Variants in ATAD2B observed in about 807,000 individuals in gnomAD.
The protein encoded by ATAD2B is ATPase family AAA domain containing 2B.
ATAD2B carries 40 observed loss-of-function variants against 167.6 expected under a neutral mutation model. That is an observed-to-expected ratio of 0.24 (90% confidence interval 0.19 to 0.31). The LOEUF is 0.31. Ranked by LOEUF, ATAD2B falls within the 10% of genes least tolerant of loss-of-function variation. ATAD2B has a pLI of 1.00. For missense variants in ATAD2B, 1,242 were observed against 1,757.2 expected (o/e 0.71, Z 5.24); for synonymous variants, 579 against 596.5 (o/e 0.97, Z 0.43).
intron 13 of ATAD2B, among the ~76,000 whole-genome samples, chr2:23,850,254 A>G (rs1692360106): frequency 6.6e-6 from 1 of 152,168 alleles, no homozygotes. Context: ...GCTATTTGTA[A>G]ATTAAATACA....
chr2:23,796,908 T>C (rs1224410052), intron 19 of ATAD2B, among the ~76,000 whole-genome samples: 2 of 152,156 alleles, frequency 1.3e-5, no homozygotes, highest in African/African-American at 4.8e-5. Context: ...AGTAAGTCAA[T>C]ACCCTGGTTT....
In ATAD2B at chr2:23,875,875, T is replaced by C; in HGVS notation, c.931A>G (p.Thr311Ala). Residue 311 changes from threonine (T) to alanine (A), a missense_variant, in exon 8 of 28, where the codon ACG becomes GCG. By Grantham distance (58) the Thr-to-Ala change is moderately conservative. Transcript: ENST00000238789. ...VPAHQKKREN[T>A]LFDIHRSPAR... Reference sequence around the variant, plus strand: ...GGAGATCTATGAATATCAAACAGCGTGTTTTCCCTCTTTTTTTGATGAGCT... The same window carrying C: ...GGAGATCTATGAATATCAAACAGCGCGTTTTCCCTCTTTTTTTGATGAGCT... The C allele has an allele frequency of 1.2e-6, 2 of 1,610,352 alleles. No homozygotes were observed. Among genetic ancestry groups the C allele is most frequent in the Non-Finnish European group, 1.7e-6 (2 of 1,177,994 alleles).
the ATAD2B span, among the ~76,000 whole-genome samples, chr2:23,685,985 G>A: frequency 1.3e-5 from 2 of 152,236 alleles, no homozygotes; most frequent in Non-Finnish European, 2.9e-5. Context: ...GAGGAGCACA[G>A]GGCCCTCGGA....
intron 14 of ATAD2B, 41 bp from the exon 15 acceptor site, chr2:23,828,980 A>G: frequency 7.8e-7 from 1 of 1,285,174 alleles, no homozygotes; most frequent in Non-Finnish European, 1.1e-6. Flanking sequence ...TTGCCCAAGA[A>G]GAAAAGTACA....
chr2:23,910,858 A>C (rs1702191417), intron 1 of ATAD2B, among the ~76,000 whole-genome samples: 1 of 150,946 alleles, frequency 6.6e-6, no homozygotes, highest in Non-Finnish European at 1.5e-5. Context: ...ACAGAGCAAG[A>C]CTCTGTCTCA....
intron 22 of ATAD2B, 55 bp from the exon 23 acceptor site, chr2:23,765,683 A>G: frequency 8.9e-7 from 1 of 1,123,728 alleles, no homozygotes; most frequent in South Asian, 2.5e-5. Flanking sequence ...TAACATTAAC[A>G]AAGGACATCT....
At chr2:23,864,730 A>G in intron 11 of ATAD2B, 79 bp downstream of exon 11, 1 of 619,166 alleles carries the variant, frequency 1.6e-6, no homozygotes, top group South Asian at 3.0e-5. Flanking sequence ...TCAAATATTT[A>G]TATTTATAGC....
At chr2:23,701,695 C>T in the ATAD2B span, among the ~76,000 whole-genome samples, 2 of 151,828 alleles carry the variant, frequency 1.3e-5, no homozygotes, top group Admixed American at 1.3e-4. Flanking sequence ...CTAGCCTAGG[C>T]AACAGAGCAA....
chr2:23,880,770 AC>A lies in ATAD2B; in HGVS notation c.785-16del. The stretch of plus-strand genomic sequence containing the variant: ...CTCTTGAGATTCTAGTTTCCCACAC[AC>A]AAAAAGAAAAGAAAAAGGCATTATT... On this transcript the variant is annotated splice_polypyrimidine_tract_variant and intron_variant, in intron 6 of 27. Transcript: ENST00000238789. 6.8e-7 allele frequency: 1 copy of A among 1,460,066 alleles called. No homozygotes were observed. Among genetic ancestry groups the A allele is most frequent in the South Asian group, 1.2e-5 (1 of 84,772 alleles). The allele number at this position is 1,460,066 out of a possible 1,614,324, so 90.4% of individuals were successfully genotyped here.
At chr2:23,860,991 T>TA (rs951053812) in intron 12 of ATAD2B, among the ~76,000 whole-genome samples, 62 of 151,840 alleles carry the variant, frequency 4.1e-4, no homozygotes, top group African/African-American at 1.4e-3. Context: ...AATAAATAAA[T>TA]AATTCAACTA....
At chr2:23,887,811 C>T (rs752262706) in intron 4 of ATAD2B, 21 bp downstream of exon 4, 11 of 1,552,976 alleles carry the variant, frequency 7.1e-6, no homozygotes, top group African/African-American at 7.0e-5. Flanking sequence ...AATGAAACTG[C>T]TTAATACTTG....
At chr2:23,880,869 A>T in intron 6 of ATAD2B, 114 bp from the exon 7 acceptor site, 1 of 660,750 alleles carries the variant, frequency 1.5e-6, no homozygotes, top group Non-Finnish European at 2.6e-6. Flanking sequence ...TGCACAGGTG[A>T]CATTTAAGTG....
Position 23,786,224 on chromosome 2 carries a change from C to G in ATAD2B, c.2777-1G>C. ...GGAAGCACTTCCATAGCACAAAGAG[C>G]TAGAGAAAACAGAAGAAAATGTTAA... On this transcript the variant is annotated splice_acceptor_variant, in intron 20 of 27. Transcript: ENST00000238789. LOFTEE classifies it high-confidence loss of function. The G allele has an allele frequency of 6.4e-7, 1 of 1,560,758 alleles. No individual in the cohort carries two copies. The highest frequency in any genetic ancestry group is 1.4e-5 in the African/African-American group (1 of 73,286).
the ATAD2B span, among the ~76,000 whole-genome samples, chr2:23,735,073 T>C: frequency 1.1e-4 from 16 of 152,210 alleles, no homozygotes; most frequent in East Asian, 2.1e-3. Flanking sequence ...TTTCATGTCA[T>C]GGTACTGTTC....
chr2:23,824,091 G>A (rs1687881710), intron 15 of ATAD2B, among the ~76,000 whole-genome samples: 1 of 152,062 alleles, frequency 6.6e-6, no homozygotes, highest in Admixed American at 6.5e-5. Context: ...TAGGACTACG[G>A]GCATGTGCCA....
intron 8 of ATAD2B, chr2:23,872,260 G>C (rs1696104374): frequency 2.2e-6 from 1 of 456,308 alleles, no homozygotes; most frequent in South Asian, 1.8e-5. Context: ...TCATAGCTAA[G>C]AGCAGGAAGC....
chr2:23,764,703 G>T (rs2149328619), intron 23 of ATAD2B, among the ~76,000 whole-genome samples: 1 of 152,312 alleles, frequency 6.6e-6, no homozygotes, highest in East Asian at 1.9e-4. Context: ...AAAGGTAGAA[G>T]AAAAGTTTCT....
intron 6 of ATAD2B, among the ~76,000 whole-genome samples, chr2:23,882,728 T>C (rs1398592456): frequency 1.3e-5 from 2 of 151,482 alleles, no homozygotes; most frequent in Non-Finnish European, 2.9e-5. Flanking sequence ...GAGAATGGCA[T>C]GAACCCAGGA....
chr2:23,725,441 G>C, the ATAD2B span, among the ~76,000 whole-genome samples: 1 of 152,144 alleles, frequency 6.6e-6, no homozygotes, highest in South Asian at 2.1e-4. Context: ...AAAAATATTT[G>C]TGGCTATTGG....
Sources: allele counts gnomAD v4.1 joint callset (sites outside exome capture counted in the v4.1 genomes callset), GRCh38; gene constraint gnomAD v4.1.1; transcripts MANE v1.5; gene names NCBI Gene and HGNC (gene_info 2026-07-23, HGNC 2026-07-21).